Variants in RNF130 observed in about 807,000 individuals in gnomAD.
RNF130 encodes the protein ring finger protein 130.
A neutral mutation model predicts 44.6 loss-of-function variants in RNF130; 21 were observed. The ratio of observed to expected loss-of-function variants is 0.47; its 90% CI spans 0.33 to 0.68. The LOEUF (loss-of-function observed/expected upper bound fraction) is 0.68, where lower values mean the gene tolerates loss of function less well. Ranked by LOEUF, RNF130 falls within the 30% of genes least tolerant of loss-of-function variation. RNF130 has a pLI of 0.02. For missense variants in RNF130, 479 were observed against 560.6 expected (o/e 0.85, Z 1.47); for synonymous variants, 214 against 210.4 (o/e 1.02, Z -0.15).
At chr5:180,022,235 T>C (rs1174135204) in intron 2 of RNF130, among the ~76,000 whole-genome samples, 2 of 152,218 alleles carry the variant, frequency 1.3e-5, no homozygotes, top group African/African-American at 2.4e-5. Context: ...TTGTAATTAG[T>C]ATGTATTCTG....
chr5:180,052,151 C>G (rs180892607), intron 1 of RNF130, among the ~76,000 whole-genome samples: 1 of 152,316 alleles, frequency 6.6e-6, no homozygotes, highest in East Asian at 1.9e-4. Context: ...GCCCTCTTTT[C>G]TCAGTGGACA....
exon 8 of RNF130, chr5:179,912,804 T>C (rs1048814182): frequency 6.6e-6 from 1 of 152,268 alleles, no homozygotes; most frequent in African/African-American, 2.4e-5. Context: ...TAATATCACA[T>C]AGTGTAAATA....
chr5:179,983,928 T>G (rs540344349), intron 3 of RNF130, among the ~76,000 whole-genome samples: 10 of 152,340 alleles, frequency 6.6e-5, no homozygotes, highest in African/African-American at 2.4e-4. Context: ...AATTTAACTT[T>G]CTTAGAGATA....
intron 7 of RNF130, among the ~76,000 whole-genome samples, chr5:179,922,301 T>A (rs911799089): frequency 1.3e-5 from 2 of 152,044 alleles, no homozygotes; most frequent in Admixed American, 1.3e-4. Context: ...ACTGGGCTTT[T>A]AAAAAAAATT....
intron 8 of RNF130, among the ~76,000 whole-genome samples, chr5:179,959,401 G>A (rs1464493843): frequency 6.6e-6 from 1 of 152,106 alleles, no homozygotes; most frequent in African/African-American, 2.4e-5. Flanking sequence ...GCCGAGACAG[G>A]TGGATCACAA....
intron 1 of RNF130, among the ~76,000 whole-genome samples, chr5:180,041,704 C>G (rs1764421911): frequency 6.6e-6 from 1 of 152,200 alleles, no homozygotes; most frequent in East Asian, 1.9e-4. Context: ...CCCTGCCGGT[C>G]CTCTGTGTGC....
At chr5:180,060,576 C>A (rs965397639) in intron 1 of RNF130, among the ~76,000 whole-genome samples, 1 of 152,192 alleles carries the variant, frequency 6.6e-6, no homozygotes, top group Non-Finnish European at 1.5e-5. Flanking sequence ...AGGGCCTGTC[C>A]GTTCACTTGC....
rs879497943 is a variant in RNF130 at position 179,964,753 on chromosome 5, C to G, written c.1151-1189G>C. Among the ~76,000 whole-genome samples, 57 of 152,186 alleles carry G rather than the reference C, an allele frequency of 3.7e-4. 1 individual carries two copies. Among genetic ancestry groups the G allele is most frequent in the African/African-American group, 1.3e-3 (54 of 41,440 alleles). ...GGGGACTTCCGGTCCAGAGAGTGCT[C>G]TAGGAGCATTTCTCTGCCCACCTTA... On this transcript the variant is annotated intron_variant, in intron 7 of 8. Coordinates refer to ENST00000521389, the MANE Select transcript of RNF130 (RefSeq NM_018434.6).
exon 8 of RNF130, chr5:179,915,471 C>G (rs1221078981): frequency 3.3e-5 from 5 of 152,644 alleles, no homozygotes; most frequent in African/African-American, 1.2e-4. Context: ...TCCAGAGCCC[C>G]TGCCAGCCCA....
At chr5:179,947,504 T>A (rs1762059683) in intron 7 of RNF130, among the ~76,000 whole-genome samples, 2 of 152,220 alleles carry the variant, frequency 1.3e-5, no homozygotes, top group Admixed American at 1.3e-4. Context: ...AGAATGGGGT[T>A]TGGAACACAG....
rs1340269707 is a variant in RNF130, at chr5:180,011,192, A to T, written c.693+1869T>A. ...TGTACTTTTCAGAAACGTCCATGTCATAAAACCAAGTAAGAAGAGACAACT... is the reference window on the plus strand; with the variant it reads ...TGTACTTTTCAGAAACGTCCATGTCTTAAAACCAAGTAAGAAGAGACAACT... On this transcript the variant is annotated intron_variant, in intron 3 of 8. Transcript: ENST00000521389. 2.6e-5 allele frequency among the ~76,000 whole-genome samples: 4 copies of T among 152,360 alleles called. No homozygotes were observed. The East Asian group carries it at 7.7e-4, about 29-fold the overall frequency.
chr5:179,968,460 G>GT (rs1561673340), intron 6 of RNF130, among the ~76,000 whole-genome samples: 1 of 151,972 alleles, frequency 6.6e-6, no homozygotes, highest in East Asian at 1.9e-4. Context: ...GAGGTCAGGA[G>GT]TTTGAGACCA....
At chr5:180,064,964 A>G (rs796824680) in intron 1 of RNF130, among the ~76,000 whole-genome samples, 5 of 152,336 alleles carry the variant, frequency 3.3e-5, no homozygotes, top group African/African-American at 1.2e-4. Context: ...AAATTATGAC[A>G]TATTTTAGCT....
chr5:180,067,830 C>T (rs1010145188), intron 1 of RNF130, among the ~76,000 whole-genome samples: 2 of 152,120 alleles, frequency 1.3e-5, no homozygotes, highest in African/African-American at 4.8e-5. Flanking sequence ...TTACATGACC[C>T]CTTTCACCCA....
At chr5:180,030,224 T>TA (rs1177790057) in intron 2 of RNF130, among the ~76,000 whole-genome samples, 4 of 152,112 alleles carry the variant, frequency 2.6e-5, no homozygotes, top group Admixed American at 6.6e-5. Flanking sequence ...CAAATAAAAG[T>TA]AAAAAAAGAT....
chr5:180,041,715 C>T (rs1003424389), intron 1 of RNF130, among the ~76,000 whole-genome samples: 4 of 152,062 alleles, frequency 2.6e-5, no homozygotes, highest in East Asian at 1.9e-4. Context: ...CTCTGTGTGC[C>T]GGGAAGGAAG....
chr5:180,001,261 G>C (rs1177463768), intron 3 of RNF130, among the ~76,000 whole-genome samples: 3 of 152,148 alleles, frequency 2.0e-5, no homozygotes, highest in African/African-American at 7.2e-5. Flanking sequence ...ACAATGAGGA[G>C]ACTTAGCCAA....
At chr5:179,943,112 T>G (rs1761988456) in intron 7 of RNF130, among the ~76,000 whole-genome samples, 2 of 152,182 alleles carry the variant, frequency 1.3e-5, no homozygotes, top group South Asian at 4.1e-4. Flanking sequence ...GGAGAATTGC[T>G]TCAACCAGAG....
chr5:179,968,745 G>A (rs1409673198), intron 6 of RNF130, among the ~76,000 whole-genome samples: 1 of 151,872 alleles, frequency 6.6e-6, no homozygotes, highest in Non-Finnish European at 1.5e-5. Context: ...TGTTAGACCA[G>A]TCTGAAATGG....
Sources: gnomAD v4.1 joint callset for allele counts (sites outside exome capture counted in the v4.1 genomes callset) on GRCh38, gnomAD v4.1.1 for gene constraint, MANE v1.5 for transcripts, NCBI Gene and HGNC (gene_info 2026-07-23, HGNC 2026-07-21) for gene names.